Variants in DLGAP2 observed in about 807,000 individuals in gnomAD.
The protein encoded by DLGAP2 is DLG associated protein 2, also known as disks large-associated protein 2.
DLGAP2 carries 26 observed loss-of-function variants against 100.3 expected under a neutral mutation model. The observed-to-expected ratio is 0.26, with a 90% confidence interval of 0.19 to 0.36. DLGAP2 has a LOEUF of 0.36. Ranked by LOEUF, DLGAP2 falls within the 10% of genes least tolerant of loss-of-function variation. DLGAP2 has a pLI of 1.00. For missense variants in DLGAP2, 1,858 were observed against 1,453.2 expected (o/e 1.28, Z -4.53); for synonymous variants, 886 against 630.1 (o/e 1.41, Z -6.08).
At position 1,431,450 on chromosome 8, in the gene DLGAP2, C is replaced by T. The variant is rs144752922; in HGVS notation, c.107-69916C>T. 2.8e-4 allele frequency among the ~76,000 whole-genome samples: 43 copies of T among 152,302 alleles called. No individual in the cohort carries two copies. The East Asian group carries it at 7.9e-3, about 28-fold the overall frequency. ...CAGTTCCGTTGGCTGACCAGGTAGA[C>T]TCTACCCGTGGGCAAAGGACAATGC... On this transcript the variant is annotated intron_variant, in intron 3 of 14. Transcript: ENST00000637795.
chr8:1,409,424 C>G (rs535190918), intron 3 of DLGAP2, among the ~76,000 whole-genome samples: 7 of 152,330 alleles, frequency 4.6e-5, no homozygotes, highest in Middle Eastern at 3.4e-3. Flanking sequence ...TTGTCTAGAC[C>G]AGCTGAGAAC....
chr8:1,659,314 T>TAC (rs1798356786), intron 8 of DLGAP2, among the ~76,000 whole-genome samples: 1 of 152,178 alleles, frequency 6.6e-6, no homozygotes, highest in Admixed American at 6.5e-5. Flanking sequence ...GAATGGGATA[T>TAC]TCTGCTGATT....
intron 1 of DLGAP2, among the ~76,000 whole-genome samples, chr8:896,291 A>G (rs1798139836): frequency 6.6e-6 from 1 of 151,654 alleles, no homozygotes; most frequent in African/African-American, 2.4e-5. Flanking sequence ...GGGATAATGG[A>G]TGGGATGCAG....
chr8:1,280,941 A>G (rs916443437), intron 3 of DLGAP2, among the ~76,000 whole-genome samples: 5 of 152,168 alleles, frequency 3.3e-5, no homozygotes, highest in African/African-American at 1.2e-4. Context: ...CAGAAGCTAT[A>G]TGGGGAATGT....
intron 4 of DLGAP2, among the ~76,000 whole-genome samples, chr8:1,534,201 GA>G (rs1325394723): frequency 6.6e-6 from 1 of 152,164 alleles, no homozygotes; most frequent in Admixed American, 6.6e-5. Context: ...TGTTTCAAAG[GA>G]AACTCAGGAA....
intron 1 of DLGAP2, among the ~76,000 whole-genome samples, chr8:883,540 T>C (rs1262805273): frequency 1.3e-5 from 2 of 151,556 alleles, no homozygotes; most frequent in South Asian, 4.2e-4. Context: ...CCAGGATACA[T>C]GTACAGAATG....
intron 3 of DLGAP2, among the ~76,000 whole-genome samples, chr8:1,478,962 G>A (rs1225820755): frequency 6.6e-6 from 1 of 152,254 alleles, no homozygotes; most frequent in Non-Finnish European, 1.5e-5. Context: ...TTAGCCACAT[G>A]CAACTTACAG....
At chr8:1,507,302 G>A (rs1042901506) in intron 4 of DLGAP2, among the ~76,000 whole-genome samples, 4 of 152,126 alleles carry the variant, frequency 2.6e-5, no homozygotes, top group African/African-American at 9.7e-5. Flanking sequence ...CCTGTCCCAC[G>A]GGGAGGCAGC....
At chr8:1,368,613 T>A (rs972910269) in intron 3 of DLGAP2, 1 of 152,214 alleles carries the variant, frequency 6.6e-6, no homozygotes, top group Non-Finnish European at 1.5e-5. Context: ...AAGGCAAATC[T>A]TTCAAGATGA....
chr8:778,320 TC>T (rs1821584517), intron 1 of DLGAP2, among the ~76,000 whole-genome samples: 2 of 152,382 alleles, frequency 1.3e-5, no homozygotes, highest in African/African-American at 4.8e-5. Flanking sequence ...AGTAATTTGA[TC>T]GTCTGAAGCC....
At chr8:1,586,361 G>T (rs1017184732) in intron 6 of DLGAP2, among the ~76,000 whole-genome samples, 2 of 152,226 alleles carry the variant, frequency 1.3e-5, no homozygotes, top group African/African-American at 4.8e-5. Flanking sequence ...GTTAGCTCTG[G>T]CCCCTGCCTG....
At chr8:1,632,071 T>G (rs1265397113) in intron 7 of DLGAP2, among the ~76,000 whole-genome samples, 27 of 117,382 alleles carry the variant, frequency 2.3e-4, no homozygotes, top group East Asian at 4.5e-4. Context: ...TGGGAGGGGG[T>G]GAGGGGAGAA....
chr8:890,281 G>A (rs191659966), intron 1 of DLGAP2, among the ~76,000 whole-genome samples: 22 of 152,300 alleles, frequency 1.4e-4, no homozygotes, highest in South Asian at 8.3e-4. Context: ...GCACGTGCAC[G>A]CGCATGGCAG....
At chr8:1,191,999 G>C (rs1243543561) in intron 2 of DLGAP2, among the ~76,000 whole-genome samples, 1 of 152,142 alleles carries the variant, frequency 6.6e-6, no homozygotes, top group Non-Finnish European at 1.5e-5. Flanking sequence ...TCACAGCATG[G>C]GGCTGTGAGT....
chr8:1,125,140 A>C (rs1193359683), intron 2 of DLGAP2, among the ~76,000 whole-genome samples: 1 of 152,134 alleles, frequency 6.6e-6, no homozygotes, highest in Non-Finnish European at 1.5e-5. Context: ...ATTGACTTTA[A>C]ATATTTCCCC....
At position 1,565,771 on chromosome 8, in the gene DLGAP2, A is replaced by G. The variant is rs1292624397; in HGVS notation, c.1319A>G (p.Lys440Arg). ...CRRMRSGSYI[K>R]AMGDEESGES... is the part of the protein sequence containing the mutation. ...AGAATGAGAAGTGGGAGTTACATTA[A>G]AGCCATGGGGGACGAGGAGAGCGGA... Residue 440 changes from lysine to arginine, a missense_variant, in exon 6 of 15, where the codon AAA becomes AGA. Lys to Arg is a conservative substitution (Grantham distance 26). Coordinates refer to ENST00000637795, the MANE Select transcript of DLGAP2 (RefSeq NM_001346810.2). The G allele has an allele frequency of 1.2e-6, 2 of 1,613,820 alleles. No individual in the cohort carries two copies. Among genetic ancestry groups the G allele is most frequent in the Non-Finnish European group, 8.5e-7 (1 of 1,179,892 alleles).
At chr8:1,086,981 C>T (rs374948499) in intron 2 of DLGAP2, among the ~76,000 whole-genome samples, 1 of 152,134 alleles carries the variant, frequency 6.6e-6, no homozygotes, top group Non-Finnish European at 1.5e-5. Context: ...GTGGAACATT[C>T]CTCAGGGTAG....
chr8:1,267,397 C>G (rs530243561), intron 3 of DLGAP2, among the ~76,000 whole-genome samples: 28 of 150,664 alleles, frequency 1.9e-4, no homozygotes, highest in African/African-American at 6.8e-4. Context: ...GAAACCCCAT[C>G]TCTACTGAAA....
intron 2 of DLGAP2, among the ~76,000 whole-genome samples, chr8:962,721 T>C (rs1029958479): frequency 2.0e-5 from 3 of 152,098 alleles, no homozygotes; most frequent in Non-Finnish European, 1.5e-5. Context: ...GGAGACATGA[T>C]GTGCTATGAC....
Sources: gnomAD v4.1 joint callset for allele counts (sites outside exome capture counted in the v4.1 genomes callset) on GRCh38, gnomAD v4.1.1 for gene constraint, MANE v1.5 for transcripts, NCBI Gene and HGNC (gene_info 2026-07-23, HGNC 2026-07-21) for gene names.